PKD1L1: variants seen among roughly 807,000 people sequenced by gnomAD.
PKD1L1 encodes polycystin-1-like protein 1.
Under a neutral mutation model 323.4 loss-of-function variants are expected in PKD1L1, and 236 were observed. That is an observed-to-expected ratio of 0.73 (90% CI 0.66 to 0.81). The LOEUF is 0.81. Ranked by LOEUF, PKD1L1 falls within the 40% of genes least tolerant of loss-of-function variation. PKD1L1 has a pLI of 0.00. For synonymous variants in PKD1L1, 1,344 were observed against 1,335.0 expected (o/e 1.01, Z -0.15); for missense variants, 3,320 against 3,508.0 (o/e 0.95, Z 1.35).
chr7:47,920,298 C>CAA (rs58524433), intron 7 of PKD1L1, among the ~76,000 whole-genome samples: 58,788 of 139,990 alleles, frequency 0.42, 12,837 homozygotes, highest in East Asian at 0.52. Context: ...CAAACAAAAA[C>CAA]AAAAAAAAAA....
At chr7:47,778,499 G>A (rs185039776) in intron 56 of PKD1L1, among the ~76,000 whole-genome samples, 4 of 152,248 alleles carry the variant, frequency 2.6e-5, no homozygotes, top group Admixed American at 1.3e-4. Context: ...GGCTCATCAA[G>A]GAGGTATTAT....
At chr7:47,853,095 G>A in intron 31 of PKD1L1, 32 bp downstream of exon 31, 1 of 1,437,468 alleles carries the variant, frequency 7.0e-7, no homozygotes, top group African/African-American at 1.4e-5. Flanking sequence ...CATGTAAACA[G>A]AAAGGGAAAA....
intron 24 of PKD1L1, among the ~76,000 whole-genome samples, chr7:47,870,627 G>T (rs1409602479): frequency 6.6e-6 from 1 of 152,182 alleles, no homozygotes; most frequent in Non-Finnish European, 1.5e-5. Context: ...CAAAGAAAAT[G>T]CCAGGTCCAA....
At chr7:47,863,621 T>C (rs1044497500) in intron 26 of PKD1L1, among the ~76,000 whole-genome samples, 15 of 151,860 alleles carry the variant, frequency 9.9e-5, no homozygotes, top group African/African-American at 3.4e-4. Flanking sequence ...AGGGAGAGAA[T>C]GGGGAGCAGA....
chr7:47,818,231 A>G, intron 46 of PKD1L1: 2 of 1,326,114 alleles, frequency 1.5e-6, no homozygotes, highest in Non-Finnish European at 2.0e-6. Flanking sequence ...TTCACGCCAA[A>G]GGAAAGGAAG....
In PKD1L1 at chr7:47,862,194, GA is replaced by G. The variant is rs918155356; in HGVS notation, c.4149+3021del. Among the ~76,000 whole-genome samples the G allele has an allele frequency of 5.4e-5, 8 of 147,252 alleles. No homozygotes were observed. The South Asian group carries it at 8.6e-4, about 16-fold the overall frequency. ...TGGGCGACAGAGTGAGACTCTGTCT[GA>G]AAAAAAAAAGAGCAATTGGATTGTG... On this transcript the variant is annotated intron_variant, in intron 26 of 56. Coordinates refer to ENST00000289672, the MANE Select transcript of PKD1L1 (RefSeq NM_138295.5).
At position 47,935,487 on chromosome 7, in the gene PKD1L1, C is replaced by A. The variant is rs992766255; in HGVS notation, c.398+1359G>T. On this transcript the variant is annotated intron_variant, in intron 4 of 56. Transcript: ENST00000289672. Reference sequence around the variant, plus strand: ...GACCTGGGCCCACGCATCCAAGTGTCTGGGTCACAAACCATCTGAAGGGTC... The same window carrying A: ...GACCTGGGCCCACGCATCCAAGTGTATGGGTCACAAACCATCTGAAGGGTC... Among the ~76,000 whole-genome samples the A allele has an allele frequency of 3.9e-5, 6 of 152,356 alleles. No individual in the cohort carries two copies. The East Asian group carries it at 1.2e-3, about 29-fold the overall frequency.
Position 47,835,201 on chromosome 7 carries a change from C to G in PKD1L1, c.5986G>C (p.Gly1996Arg). The G allele has an allele frequency of 6.3e-7, 1 of 1,589,730 alleles. No homozygotes were observed. ...VSPTLGSFRVGLLCTLLASPG... is the reference protein window; with the variant it reads ...VSPTLGSFRVRLLCTLLASPG... ...GAAGCCAGGAGGGTACACAGGAGAC[C>G]CACCCTGAAGGATCCAAGGGTGGGG... Residue 1996 changes from glycine (G) to arginine (R), a missense_variant, in exon 38 of 57, where the codon GGT (glycine) becomes CGT (arginine). Transcript: ENST00000289672.
chr7:47,831,218 T>A lies in PKD1L1; in HGVS notation c.6472A>T (p.Arg2158Trp). The part of the protein sequence containing the change: ...CSLGTGFLAY[R>W]FGQEQCVQWL... ...TGTTTGAAAAACTCTACAGCTCACCTGTAGGCTAGAAATCCTGTCCCCAAA... is the reference window on the plus strand; with the variant it reads ...TGTTTGAAAAACTCTACAGCTCACCAGTAGGCTAGAAATCCTGTCCCCAAA... The change falls in exon 42 of 57, where the codon AGG becomes TGG. Residue 2158 changes from arginine (R) to tryptophan (W), a missense_variant and splice_region_variant. Coordinates refer to ENST00000289672, the MANE Select transcript of PKD1L1 (RefSeq NM_138295.5). The A allele has an allele frequency of 6.2e-7, 1 of 1,613,360 alleles. No homozygotes were observed. Among genetic ancestry groups the A allele is most frequent in the Non-Finnish European group, 8.5e-7 (1 of 1,179,692 alleles).
intron 56 of PKD1L1, among the ~76,000 whole-genome samples, chr7:47,775,377 T>C (rs1166819491): frequency 1.3e-5 from 2 of 152,246 alleles, no homozygotes; most frequent in East Asian, 3.8e-4. Context: ...AGTTAGATCA[T>C]ATTTTGGGCC....
chr7:47,866,155 A>G (rs1361341647), intron 25 of PKD1L1, among the ~76,000 whole-genome samples: 1 of 152,238 alleles, frequency 6.6e-6, no homozygotes, highest in Non-Finnish European at 1.5e-5. Flanking sequence ...AGTTTTACTT[A>G]CACAAACTTC....
intron 8 of PKD1L1, among the ~76,000 whole-genome samples, chr7:47,911,943 AAAGG>A (rs1446709020): frequency 1.3e-5 from 2 of 151,704 alleles, no homozygotes; most frequent in African/African-American, 4.8e-5. Flanking sequence ...AAAAAAAAAG[AAAGG>A]AAGGAAGAAA....
chr7:47,801,830 A>G (rs1038035026), intron 53 of PKD1L1, among the ~76,000 whole-genome samples: 4 of 152,220 alleles, frequency 2.6e-5, no homozygotes, highest in African/African-American at 9.6e-5. Context: ...TACTTGCTGC[A>G]CAGTTAGAAT....
Position 47,848,816 on chromosome 7 carries a change from A to G in PKD1L1, c.4961-1745T>C, listed in dbSNP as rs528523419. On this transcript the variant is annotated intron_variant, in intron 31 of 56. Transcript: ENST00000289672. ...GTGAAACTCCAGTCTCAAAAGAAAA[A>G]AAAAATTATAATCATTGTTCTTCAC... 2.6e-5 allele frequency among the ~76,000 whole-genome samples: 4 copies of G among 152,330 alleles called. No individual in the cohort carries two copies. The East Asian group carries it at 7.7e-4, about 29-fold the overall frequency.
intron 24 of PKD1L1, among the ~76,000 whole-genome samples, chr7:47,870,465 G>GAAATAAA (rs1786258770): frequency 6.6e-6 from 1 of 151,992 alleles, no homozygotes; most frequent in African/African-American, 2.4e-5. Context: ...AAGGATTATA[G>GAAATAAA]GAGAACACCA....
chr7:47,825,991 G>T (rs151167395), intron 45 of PKD1L1, among the ~76,000 whole-genome samples: 1 of 152,076 alleles, frequency 6.6e-6, no homozygotes, highest in Non-Finnish European at 1.5e-5. Context: ...AGAGGGCTAC[G>T]TCCTGGCAGA....
In PKD1L1 at chr7:47,821,091, C is replaced by A; in HGVS notation, c.6950G>T (p.Arg2317Leu). 6.3e-7 allele frequency: 1 copy of A among 1,591,536 alleles called. No individual in the cohort carries two copies. Among genetic ancestry groups the A allele is most frequent in the Non-Finnish European group, 8.6e-7 (1 of 1,159,502 alleles). Residue 2317 changes from arginine to leucine, a missense_variant, in exon 46 of 57, where the codon CGG becomes CTG. By Grantham distance (102) the Arg-to-Leu change is moderately radical (BLOSUM62 -2). Transcript: ENST00000289672. Reference sequence around the variant, plus strand: ...AACCTCCTACCTTGTAAATTCTTTCCGGATAGCTTGATTGAGGGAGTATTC... The same window carrying A: ...AACCTCCTACCTTGTAAATTCTTTCAGGATAGCTTGATTGAGGGAGTATTC... ...QDEYSLNQAI[R>L]KEFTRNARNC...
intron 16 of PKD1L1, among the ~76,000 whole-genome samples, chr7:47,889,873 C>T (rs1288003144): frequency 1.3e-5 from 2 of 152,168 alleles, no homozygotes; most frequent in East Asian, 3.9e-4. Flanking sequence ...GGCCTGGGCT[C>T]CTGCTCCATC....
intron 56 of PKD1L1, among the ~76,000 whole-genome samples, chr7:47,790,827 C>T (rs1186086370): frequency 6.6e-6 from 1 of 151,384 alleles, no homozygotes; most frequent in African/African-American, 2.4e-5. Flanking sequence ...CTGGATCACC[C>T]CTCACTGCAG....
Sources: allele counts gnomAD v4.1 joint callset (sites outside exome capture counted in the v4.1 genomes callset), GRCh38; gene constraint gnomAD v4.1.1; transcripts MANE v1.5; gene names NCBI Gene and HGNC (gene_info 2026-07-23, HGNC 2026-07-21).